The following LOC400499 variants were observed in gnomAD, a reference collection of about 807,000 sequenced individuals.
chr16:11,421,490 C>T, the LOC400499 span, among the ~76,000 whole-genome samples: 3 of 152,160 alleles, frequency 2.0e-5, no homozygotes, highest in Admixed American at 6.5e-5. Context: ...CAACCTCCGC[C>T]TCCTGGGTTC....
chr16:11,487,820 T>C, the LOC400499 span, among the ~76,000 whole-genome samples: 1 of 152,186 alleles, frequency 6.6e-6, no homozygotes, highest in African/African-American at 2.4e-5. Flanking sequence ...GAGAATTTAA[T>C]AAAACAGTGT....
At chr16:11,408,612 C>T in the LOC400499 span, among the ~76,000 whole-genome samples, 5 of 152,006 alleles carry the variant, frequency 3.3e-5, no homozygotes, top group South Asian at 4.1e-4. Flanking sequence ...GATACAGGTA[C>T]ACACCACCAT....
At chr16:11,460,421 C>A in the LOC400499 span, 1 of 1,472,058 alleles carries the variant, frequency 6.8e-7, no homozygotes, top group Non-Finnish European at 9.0e-7. Flanking sequence ...ACTCAGATCA[C>A]CACTTGCCTG....
chr16:11,502,055 C>G, the LOC400499 span: 2 of 398,958 alleles, frequency 5.0e-6, no homozygotes. Context: ...TAGTCCATCC[C>G]CCACCCGGAG....
the LOC400499 span, among the ~76,000 whole-genome samples, chr16:11,498,567 G>A: frequency 6.6e-6 from 1 of 152,028 alleles, no homozygotes; most frequent in African/African-American, 2.4e-5. Context: ...CTCCCTGCTT[G>A]CCCCTCACTC....
At chr16:11,525,140 C>A in the LOC400499 span, among the ~76,000 whole-genome samples, 1 of 151,842 alleles carries the variant, frequency 6.6e-6, no homozygotes, top group Admixed American at 6.6e-5. Context: ...AAAAATTAGC[C>A]GGGCGTGGTG....
the LOC400499 span, chr16:11,500,661 C>T: frequency 2.5e-6 from 1 of 396,450 alleles, no homozygotes; most frequent in South Asian, 1.4e-4. Flanking sequence ...GCCACAGAAG[C>T]CCAGGAGGAT....
At chr16:11,525,044 G>A in the LOC400499 span, among the ~76,000 whole-genome samples, 3 of 152,150 alleles carry the variant, frequency 2.0e-5, no homozygotes, top group Non-Finnish European at 4.4e-5. Context: ...CAGTACTTTG[G>A]GAAGCTGAGG....
At chr16:11,448,007 G>A in the LOC400499 span, 1 of 1,535,998 alleles carries the variant, frequency 6.5e-7, no homozygotes, top group Non-Finnish European at 8.7e-7. Context: ...CCTTCCAACT[G>A]CAGGCCCCGA....
At chr16:11,420,661 C>T in the LOC400499 span, among the ~76,000 whole-genome samples, 13 of 139,110 alleles carry the variant, frequency 9.3e-5, no homozygotes, top group South Asian at 1.3e-3. Flanking sequence ...ACCACAATTT[C>T]GAAGGAGCTA....
chr16:11,445,571 C>T, the LOC400499 span, among the ~76,000 whole-genome samples: 3 of 152,112 alleles, frequency 2.0e-5, no homozygotes, highest in Non-Finnish European at 4.4e-5. Flanking sequence ...GAGAGGGTGA[C>T]GGCTCCAGGC....
the LOC400499 span, chr16:11,390,548 G>C: frequency 1.0e-4 from 106 of 1,063,106 alleles, no homozygotes; most frequent in South Asian, 2.9e-4. Context: ...GCCTCGAGGA[G>C]ATAGGGCCTG....
the LOC400499 span, among the ~76,000 whole-genome samples, chr16:11,503,141 C>G: frequency 6.6e-6 from 1 of 152,042 alleles, no homozygotes; most frequent in Admixed American, 6.6e-5. Context: ...TCTCAAACTT[C>G]TGGGCTCAAG....
At chr16:11,416,483 T>A in the LOC400499 span, among the ~76,000 whole-genome samples, 3 of 152,014 alleles carry the variant, frequency 2.0e-5, no homozygotes, top group African/African-American at 7.3e-5. Flanking sequence ...CCTAACCCTA[T>A]CTCATAGGCT....
At chr16:11,465,733 A>G in the LOC400499 span, among the ~76,000 whole-genome samples, 1 of 151,510 alleles carries the variant, frequency 6.6e-6, no homozygotes, top group African/African-American at 2.4e-5. Context: ...CGATCACTGC[A>G]CAGAATAAGA....
chr16:11,396,364 C>T, the LOC400499 span: 1 of 748,304 alleles, frequency 1.3e-6, no homozygotes, highest in Non-Finnish European at 1.8e-6. Context: ...AGCTCTGGCC[C>T]CATCCAGAAT....
At chr16:11,394,662 C>T in the LOC400499 span, among the ~76,000 whole-genome samples, 1 of 152,164 alleles carries the variant, frequency 6.6e-6, no homozygotes, top group Non-Finnish European at 1.5e-5. Context: ...GAAGGTAGGC[C>T]ACACACCCAA....
chr16:11,392,747 T>G, the LOC400499 span: 1 of 983,630 alleles, frequency 1.0e-6, no homozygotes, highest in Non-Finnish European at 1.2e-6. Flanking sequence ...TGAGGTTTTT[T>G]TTTGAGACAC....
At chr16:11,397,623 C>T in the LOC400499 span, among the ~76,000 whole-genome samples, 1 of 152,056 alleles carries the variant, frequency 6.6e-6, no homozygotes, top group Non-Finnish European at 1.5e-5. Flanking sequence ...TACATATTGT[C>T]TATAGCTGCT....
Sources: gnomAD v4.1 joint callset for allele counts (sites outside exome capture counted in the v4.1 genomes callset) on GRCh38, gnomAD v4.1.1 for gene constraint, MANE v1.5 for transcripts.